PTPRD: variants seen among roughly 807,000 people sequenced by gnomAD.
PTPRD encodes the protein receptor-type tyrosine-protein phosphatase delta.
In PTPRD, 34 loss-of-function variants were observed where a neutral mutation model predicts 214.5. That is an observed-to-expected ratio of 0.16 (90% CI 0.12 to 0.21). The LOEUF (loss-of-function observed/expected upper bound fraction) is 0.21, where lower values mean the gene tolerates loss of function less well. Among genes scored for constraint, PTPRD ranks in the 10% least tolerant of loss-of-function variants. The pLI is 1.00. For synonymous variants in PTPRD, 1,128 were observed against 845.7 expected, an observed-to-expected ratio of 1.33 and a Z score of -5.79; for missense variants, 2,545 against 2,398.7, an observed-to-expected ratio of 1.06 and a Z score of -1.27.
chr9:9,656,555 TAATA>T (rs967433880), intron 7 of PTPRD, among the ~76,000 whole-genome samples: 4 of 152,052 alleles, frequency 2.6e-5, no homozygotes, highest in Admixed American at 2.0e-4. Flanking sequence ...TTCTAAAAAA[TAATA>T]AATAAATAAA....
chr9:8,525,429 A>G (rs2073848510), intron 17 of PTPRD, among the ~76,000 whole-genome samples: 1 of 152,130 alleles, frequency 6.6e-6, no homozygotes, highest in Non-Finnish European at 1.5e-5. Context: ...GGCGCAAAAG[A>G]TAGGTACGCT....
chr9:9,860,585 G>T (rs1478737429), intron 5 of PTPRD, among the ~76,000 whole-genome samples: 2 of 152,174 alleles, frequency 1.3e-5, no homozygotes, highest in Admixed American at 1.3e-4. Context: ...TGCCTAGCTT[G>T]CAAGAATACC....
At chr9:8,326,429 C>T (rs148928870) in intron 44 of PTPRD, among the ~76,000 whole-genome samples, 2,699 of 151,802 alleles carry the variant, frequency 0.018, 39 homozygotes, top group Non-Finnish European at 0.025. Context: ...CCGACTTGAT[C>T]GTGGTGGATA....
At chr9:9,455,911 G>A (rs571594417) in intron 8 of PTPRD, among the ~76,000 whole-genome samples, 1 of 151,768 alleles carries the variant, frequency 6.6e-6, no homozygotes, top group East Asian at 1.9e-4. Context: ...TTAAGCTGAA[G>A]GTTGTTCAAT....
chr9:8,454,853 C>A (rs1471110989), intron 33 of PTPRD, among the ~76,000 whole-genome samples: 1 of 149,212 alleles, frequency 6.7e-6, no homozygotes, highest in African/African-American at 2.5e-5. Flanking sequence ...TGTGTGAATG[C>A]CACGTGCACT....
At position 9,008,013 on chromosome 9, in the gene PTPRD, G is replaced by C. The variant is rs1187349522; in HGVS notation, c.-104+10684C>G. 3.1e-4 allele frequency among the ~76,000 whole-genome samples: 6 copies of C among 19,616 alleles called. 3 individuals are homozygous for C. The highest frequency in any genetic ancestry group is 1.4e-3 in the Non-Finnish European group (6 of 4,444). The allele number at this position is 19,616 out of a possible 152,430, so 12.9% of individuals were successfully genotyped here. A position where few individuals can be genotyped will look rare whatever the true frequency, so the allele number is the denominator to read the frequency against. Reference sequence around the variant, plus strand: ...ATGTATACATGTGCCGTGCTGGTGCGCTGTACCCATTAACTCAGAAATTTA... The same window carrying C: ...ATGTATACATGTGCCGTGCTGGTGCCCTGTACCCATTAACTCAGAAATTTA... On this transcript the variant is annotated intron_variant, in intron 11 of 45. Coordinates refer to ENST00000381196, the MANE Select transcript of PTPRD (RefSeq NM_002839.4).
chr9:9,909,020 A>G (rs2078423550), intron 5 of PTPRD, among the ~76,000 whole-genome samples: 1 of 152,008 alleles, frequency 6.6e-6, no homozygotes, highest in Admixed American at 6.6e-5. Flanking sequence ...TATTCTATCA[A>G]TATCACTGAG....
chr9:10,392,228 ATG>A (rs1156423039), intron 2 of PTPRD, among the ~76,000 whole-genome samples: 4 of 151,986 alleles, frequency 2.6e-5, no homozygotes, highest in Non-Finnish European at 5.9e-5. Context: ...TGCATAATGT[ATG>A]TATCCACAAT....
chr9:8,908,658 A>G (rs572694114), intron 11 of PTPRD, among the ~76,000 whole-genome samples: 1 of 152,078 alleles, frequency 6.6e-6, no homozygotes, highest in Admixed American at 6.5e-5. Flanking sequence ...TCTCAAATCA[A>G]TAACCTAAGC....
At chr9:9,684,917 A>AT (rs1564531506) in intron 7 of PTPRD, among the ~76,000 whole-genome samples, 1 of 151,340 alleles carries the variant, frequency 6.6e-6, no homozygotes, top group Admixed American at 6.6e-5. Context: ...TGTTGTATTA[A>AT]TTTTTTCCTA....
chr9:9,523,773 C>T (rs138550801), intron 8 of PTPRD, among the ~76,000 whole-genome samples: 39 of 152,282 alleles, frequency 2.6e-4, no homozygotes, highest in Admixed American at 2.1e-3. Context: ...TCCTACTCTG[C>T]TTTTCTCTCT....
intron 6 of PTPRD, among the ~76,000 whole-genome samples, chr9:9,762,285 C>T (rs1007330838): frequency 2.6e-5 from 4 of 152,198 alleles, no homozygotes; most frequent in East Asian, 1.9e-4. Flanking sequence ...CATCTTTGTC[C>T]CTTCAGTAAA....
intron 11 of PTPRD, among the ~76,000 whole-genome samples, chr9:8,794,598 C>A (rs554208304): frequency 6.6e-6 from 1 of 151,016 alleles, no homozygotes; most frequent in East Asian, 2.0e-4. Flanking sequence ...CCTGTCTTAG[C>A]CTCCCAAGTA....
At chr9:8,942,557 T>A (rs1301681013) in intron 11 of PTPRD, among the ~76,000 whole-genome samples, 1 of 152,130 alleles carries the variant, frequency 6.6e-6, no homozygotes, top group African/African-American at 2.4e-5. Flanking sequence ...TAACAGCAGT[T>A]AAGGGTTAAC....
intron 5 of PTPRD, among the ~76,000 whole-genome samples, chr9:9,929,626 T>G (rs1013283309): frequency 6.6e-6 from 1 of 152,112 alleles, no homozygotes; most frequent in Non-Finnish European, 1.5e-5. Context: ...TCTCTTGACC[T>G]CGTGATCTGC....
intron 4 of PTPRD, among the ~76,000 whole-genome samples, chr9:10,007,462 T>C (rs1362900275): frequency 6.6e-6 from 1 of 152,032 alleles, no homozygotes; most frequent in Non-Finnish European, 1.5e-5. Context: ...AGAGGCGTTC[T>C]GAATTACTTG....
intron 12 of PTPRD, among the ~76,000 whole-genome samples, chr9:8,668,451 C>T (rs2097212194): frequency 6.6e-6 from 1 of 152,196 alleles, no homozygotes; most frequent in Non-Finnish European, 1.5e-5. Flanking sequence ...CTTCCTCTTT[C>T]AGGCAACTGC....
chr9:9,862,686 C>G (rs2063037658), intron 5 of PTPRD, among the ~76,000 whole-genome samples: 1 of 123,912 alleles, frequency 8.1e-6, no homozygotes, highest in Non-Finnish European at 1.6e-5. Flanking sequence ...CAAGTTCTGC[C>G]TGTCTCTGAA....
At chr9:9,314,570 G>A (rs557207836) in intron 9 of PTPRD, among the ~76,000 whole-genome samples, 4 of 152,184 alleles carry the variant, frequency 2.6e-5, no homozygotes, top group African/African-American at 9.6e-5. Context: ...TGTGATAAAT[G>A]TAAAAGGCTT....
Sources: gnomAD v4.1 joint callset for allele counts (sites outside exome capture counted in the v4.1 genomes callset) on GRCh38, gnomAD v4.1.1 for gene constraint, MANE v1.5 for transcripts, NCBI Gene and HGNC (gene_info 2026-07-23, HGNC 2026-07-21) for gene names.